The following MCPH1 variants were observed in gnomAD, a reference collection of about 807,000 sequenced individuals.
MCPH1 encodes the protein microcephalin 1.
In MCPH1, 104 loss-of-function variants were observed where a neutral mutation model predicts 84.5. The observed-to-expected ratio is 1.23, with a 90% CI of 1.05 to 1.45. The LOEUF (loss-of-function observed/expected upper bound fraction) is 1.45, where lower values mean the gene tolerates loss of function less well. Among genes scored for constraint, MCPH1 ranks in the 40% most tolerant of loss-of-function variants. The pLI, the probability that MCPH1 is intolerant of heterozygous loss-of-function variation, is 0.00. For missense variants in MCPH1, 1,498 were observed against 1,005.7 expected (o/e 1.49, Z -6.62); for synonymous variants, 514 against 366.8 (o/e 1.40, Z -4.58).
At position 6,580,909 on chromosome 8, in the gene MCPH1, A is replaced by C. The variant is rs185764037; in HGVS notation, c.2215-40545A>C. ...ATTATGGTCAGCCCTCCACATCCGC[A>C]GGTTCTGCATCTGTAGGTTCAACCA... On this transcript the variant is annotated intron_variant, in intron 12 of 13. Coordinates refer to ENST00000344683, the MANE Select transcript of MCPH1 (RefSeq NM_024596.5). Among the ~76,000 whole-genome samples, 250 of 152,372 alleles carry C rather than the reference A, an allele frequency of 1.6e-3. 1 individual carries two copies. Among genetic ancestry groups the C allele is most frequent in the South Asian group, 5.8e-3 (28 of 4,824 alleles).
At chr8:6,456,979 C>T (rs1395105783) in intron 9 of MCPH1, among the ~76,000 whole-genome samples, 1 of 152,070 alleles carries the variant, frequency 6.6e-6, no homozygotes, top group African/African-American at 2.4e-5. Flanking sequence ...TGGCATTCTT[C>T]TGTAGATCAA....
intron 12 of MCPH1, among the ~76,000 whole-genome samples, chr8:6,610,158 C>G (rs1776357859): frequency 6.6e-6 from 1 of 152,140 alleles, no homozygotes; most frequent in African/African-American, 2.4e-5. Flanking sequence ...CATTGTCAGA[C>G]TGTTAAATGC....
chr8:6,616,150 T>G (rs1563193964), intron 12 of MCPH1: 1 of 152,160 alleles, frequency 6.6e-6, no homozygotes, highest in Non-Finnish European at 1.5e-5. Context: ...AGAGGAAGAA[T>G]GCTGTGAATG....
chr8:6,611,399 G>A (rs1830253112), intron 12 of MCPH1, among the ~76,000 whole-genome samples: 2 of 152,144 alleles, frequency 1.3e-5, no homozygotes, highest in Admixed American at 6.5e-5. Flanking sequence ...TTTGTAACTT[G>A]CTGCAGCAGC....
chr8:6,508,909 G>A (rs777710893), intron 12 of MCPH1: 2 of 1,613,904 alleles, frequency 1.2e-6, no homozygotes, highest in Admixed American at 1.7e-5. Context: ...AATACAAATA[G>A]GAAGACAGAA....
intron 12 of MCPH1, chr8:6,519,766 G>T: frequency 6.8e-7 from 1 of 1,464,264 alleles, no homozygotes. Context: ...TGAGGCTGGG[G>T]AAGATCTTTG....
intron 12 of MCPH1, among the ~76,000 whole-genome samples, chr8:6,513,076 A>C (rs1011808627): frequency 1.3e-5 from 2 of 152,222 alleles, no homozygotes; most frequent in African/African-American, 4.8e-5. Flanking sequence ...CTTACTATTC[A>C]CTGATTTTAC....
At position 6,455,242 on chromosome 8, in the gene MCPH1, G is replaced by A. The variant is rs766798721; in HGVS notation, c.1925G>A (p.Arg642Lys). 1 of 1,610,186 alleles carries A rather than the reference G, an allele frequency of 6.2e-7. No homozygotes were observed. Among genetic ancestry groups the A allele is most frequent in the South Asian group, 1.1e-5 (1 of 90,998 alleles). Residue 642 changes from arginine to lysine, a missense_variant, in exon 9 of 14, where the codon AGA becomes AAA. By Grantham distance (26) the Arg-to-Lys change is conservative. Coordinates refer to ENST00000344683, the MANE Select transcript of MCPH1 (RefSeq NM_024596.5). ...KPHEELKKSG[R>K]GKKPTRTLVM... ...CATGAGGAATTGAAGAAAAGTGGGA[G>A]AGGCAAAAAGGTCAGTGTGTAAAAA...
chr8:6,613,353 G>A (rs899040720), intron 12 of MCPH1, among the ~76,000 whole-genome samples: 14 of 152,228 alleles, frequency 9.2e-5, no homozygotes, highest in East Asian at 3.9e-4. Context: ...AGATTCACCC[G>A]CGGCGATGCC....
rs2083914 is a variant in MCPH1 at position 6,444,633 on chromosome 8, G to T, written c.911G>T (p.Arg304Ile). ...TCAAAGGAAGAAATAAACTTGCAAA[G>T]AAATATTGCAGGTAAAGTAGTCACC... Reference protein sequence around the residue: ...NLSKEEINLQRNIAGKVVTPD... With the variant: ...NLSKEEINLQINIAGKVVTPD... Residue 304 changes from arginine to isoleucine, a missense_variant, in exon 8 of 14, where the codon AGA becomes ATA. Coordinates refer to ENST00000344683, the MANE Select transcript of MCPH1 (RefSeq NM_024596.5). 0.14 allele frequency: 218,675 copies of T among 1,613,798 alleles called. 16,233 individuals carry two copies. The highest frequency in any genetic ancestry group is 0.24 in the Middle Eastern group (1,426 of 6,062).
Position 6,592,339 on chromosome 8 carries a change from G to T in MCPH1, c.2215-29115G>T, listed in dbSNP as rs116693643. Reference sequence around the variant, plus strand: ...GCTAATTATTTTTGGTAGAGACAGGGTTTTGCCATGTTGCTCAGGGAGGTC... The same window carrying T: ...GCTAATTATTTTTGGTAGAGACAGGTTTTTGCCATGTTGCTCAGGGAGGTC... On this transcript the variant is annotated intron_variant, in intron 12 of 13. Coordinates refer to ENST00000344683, the MANE Select transcript of MCPH1 (RefSeq NM_024596.5). Among the ~76,000 whole-genome samples, 542 of 151,904 alleles carry T rather than the reference G, an allele frequency of 3.6e-3. 5 individuals are homozygous for T. Among genetic ancestry groups the T allele is most frequent in the African/African-American group, 0.012 (515 of 41,424 alleles).
intron 12 of MCPH1, among the ~76,000 whole-genome samples, chr8:6,509,470 C>G (rs959807499): frequency 2.6e-5 from 4 of 152,122 alleles, no homozygotes; most frequent in Non-Finnish European, 5.9e-5. Context: ...CCGCAGGGGG[C>G]CCCGGGGGGG....
At chr8:6,406,824 C>T (rs13281597) in intron 1 of MCPH1, 135 bp downstream of exon 1, 7 of 851,106 alleles carry the variant, frequency 8.2e-6, no homozygotes, top group Admixed American at 2.1e-5. Context: ...CCCAGACCCC[C>T]TGCCGCCTCC....
At chr8:6,587,833 C>T (rs1321928398) in intron 12 of MCPH1, among the ~76,000 whole-genome samples, 2 of 152,214 alleles carry the variant, frequency 1.3e-5, no homozygotes, top group South Asian at 2.1e-4. Context: ...TGCCCAAAAG[C>T]ACATGGAGGA....
intron 12 of MCPH1, among the ~76,000 whole-genome samples, chr8:6,509,819 C>T (rs1814602128): frequency 6.6e-6 from 1 of 152,182 alleles, no homozygotes; most frequent in Admixed American, 6.5e-5. Flanking sequence ...CACATTAGCC[C>T]ACAGTCAGAC....
rs1357082728 is a variant in MCPH1 at position 6,514,646 on chromosome 8, T to G, written c.2214+14717T>G. Reference sequence around the variant, plus strand: ...GAAAGCTATTTTTCACAAGGGAAATTCTTTTCTGATGCCTTAAAGAATGTC... The same window carrying G: ...GAAAGCTATTTTTCACAAGGGAAATGCTTTTCTGATGCCTTAAAGAATGTC... On this transcript the variant is annotated intron_variant, in intron 12 of 13. Transcript: ENST00000344683. 2.5e-6 allele frequency: 4 copies of G among 1,590,200 alleles called. No individual in the cohort carries two copies. In the African/African-American group the frequency reaches 4.0e-5, roughly 16 times the overall value.
chr8:6,527,739 C>T (rs909700963), intron 12 of MCPH1: 2 of 1,444,920 alleles, frequency 1.4e-6, no homozygotes, highest in African/African-American at 2.9e-5. Context: ...TTCTAACTTC[C>T]TTTTCATTAA....
intron 12 of MCPH1, among the ~76,000 whole-genome samples, chr8:6,615,097 T>G (rs1830670814): frequency 6.6e-6 from 1 of 152,216 alleles, no homozygotes; most frequent in Non-Finnish European, 1.5e-5. Flanking sequence ...TGTGAATGTT[T>G]TAGCAAGTTA....
chr8:6,600,026 A>G (rs1363425355), intron 12 of MCPH1, among the ~76,000 whole-genome samples: 3 of 152,164 alleles, frequency 2.0e-5, no homozygotes, highest in Non-Finnish European at 4.4e-5. Flanking sequence ...GGAAGCGGTC[A>G]ATAAAGTAAC....
Sources: allele counts gnomAD v4.1 joint callset (sites outside exome capture counted in the v4.1 genomes callset), GRCh38; gene constraint gnomAD v4.1.1; transcripts MANE v1.5; gene names NCBI Gene and HGNC (gene_info 2026-07-23, HGNC 2026-07-21).